The following NSG2 variants were observed in gnomAD, a reference collection of about 807,000 sequenced individuals.
The protein encoded by NSG2 is neuronal vesicle trafficking associated 2.
NSG2 carries 4 observed loss-of-function variants against 16.9 expected under a neutral mutation model. The observed-to-expected ratio is 0.24, with a 90% CI of 0.12 to 0.54. The LOEUF (loss-of-function observed/expected upper bound fraction) is 0.54, where lower values mean the gene tolerates loss of function less well. Among genes scored for constraint, NSG2 ranks in the 20% least tolerant of loss-of-function variants. The pLI is 0.95. For synonymous variants in NSG2, 98 were observed against 88.7 expected (o/e 1.11, Z -0.59); for missense variants, 179 against 221.1 (o/e 0.81, Z 1.21).
At chr5:174,064,820 G>A (rs1760113446) in intron 3 of NSG2, among the ~76,000 whole-genome samples, 1 of 152,188 alleles carries the variant, frequency 6.6e-6, no homozygotes, top group South Asian at 2.1e-4. Flanking sequence ...TTGCATCAAG[G>A]ATCCACAAAG....
intron 3 of NSG2, among the ~76,000 whole-genome samples, chr5:174,100,126 T>C (rs184472000): frequency 1.6e-3 from 245 of 152,202 alleles, no homozygotes; most frequent in African/African-American, 5.6e-3. Context: ...GCATGTGGGG[T>C]GGCCTGGCAG....
chr5:174,093,263 T>C (rs1760747927), intron 3 of NSG2, among the ~76,000 whole-genome samples: 1 of 152,134 alleles, frequency 6.6e-6, no homozygotes, highest in South Asian at 2.1e-4. Flanking sequence ...GTATGCTAAT[T>C]AACTAAAGGC....
chr5:174,071,364 T>G (rs1205371179), intron 3 of NSG2, among the ~76,000 whole-genome samples: 1 of 152,142 alleles, frequency 6.6e-6, no homozygotes, highest in East Asian at 1.9e-4. Flanking sequence ...CACGCACCTA[T>G]AGGTCCCAGC....
chr5:174,081,004 A>G (rs1208086125), intron 3 of NSG2, among the ~76,000 whole-genome samples: 1 of 151,018 alleles, frequency 6.6e-6, no homozygotes, highest in East Asian at 1.9e-4. Flanking sequence ...TTTGTTGTTG[A>G]TATTGTACAA....
rs745941379 is a variant in NSG2 at position 174,046,851 on chromosome 5, G to A, written c.96G>A (p.Glu32=). ...FQTVPLITPL[E]VNHLQLPAPE... The stretch of plus-strand genomic sequence containing the variant: ...CCGTCCCTCTCATCACTCCCTTGGA[G>A]GTTAATCACTTACAGCTGCCTGCTC... Residue 32 remains glutamate, a synonymous_variant, in exon 2 of 5, where the codon GAG becomes GAA. Coordinates refer to ENST00000303177, the MANE Select transcript of NSG2 (RefSeq NM_015980.5). 6.2e-7 allele frequency: 1 copy of A among 1,613,992 alleles called. No homozygotes were observed. Among genetic ancestry groups the A allele is most frequent in the African/African-American group, 1.3e-5 (1 of 74,884 alleles).
At chr5:174,061,162 C>T (rs1342581657) in intron 2 of NSG2, among the ~76,000 whole-genome samples, 1 of 152,114 alleles carries the variant, frequency 6.6e-6, no homozygotes, top group Non-Finnish European at 1.5e-5. Context: ...TATACATACA[C>T]ACATGCATGG....
intron 3 of NSG2, among the ~76,000 whole-genome samples, chr5:174,096,019 G>A (rs1760790217): frequency 6.6e-6 from 1 of 152,220 alleles, no homozygotes; most frequent in South Asian, 2.1e-4. Flanking sequence ...TGAGCTGTGT[G>A]ACCTTGAGAA....
intron 2 of NSG2, among the ~76,000 whole-genome samples, chr5:174,063,628 T>C (rs1047099713): frequency 1.3e-5 from 2 of 151,748 alleles, no homozygotes; most frequent in African/African-American, 4.8e-5. Flanking sequence ...ATTTTTGGGG[T>C]ACAGGAGATA....
At chr5:174,100,306 T>C (rs1760878758) in intron 3 of NSG2, among the ~76,000 whole-genome samples, 1 of 152,242 alleles carries the variant, frequency 6.6e-6, no homozygotes, top group Admixed American at 6.5e-5. Context: ...TGCTGAGGCC[T>C]GGACTGCACC....
intron 3 of NSG2, among the ~76,000 whole-genome samples, chr5:174,081,785 G>C (rs1760472718): frequency 6.6e-6 from 1 of 151,340 alleles, no homozygotes; most frequent in South Asian, 2.1e-4. Flanking sequence ...AGTTACTTGG[G>C]AGGCTGAGGC....
chr5:174,097,058 C>T (rs1314121765), intron 3 of NSG2, among the ~76,000 whole-genome samples: 4 of 152,264 alleles, frequency 2.6e-5, no homozygotes, highest in Non-Finnish European at 5.9e-5. Flanking sequence ...GTGTGCACTA[C>T]GTTCCCAATA....
intron 3 of NSG2, among the ~76,000 whole-genome samples, chr5:174,096,108 G>A (rs1230142552): frequency 1.3e-5 from 2 of 152,236 alleles, no homozygotes; most frequent in African/African-American, 2.4e-5. Context: ...TAGGGCTGTT[G>A]TAAGGTTTGC....
chr5:174,103,044 C>T (rs1760925877), intron 3 of NSG2, among the ~76,000 whole-genome samples: 1 of 151,276 alleles, frequency 6.6e-6, no homozygotes, highest in South Asian at 2.1e-4. Context: ...CTACCTCGGC[C>T]TCCCAAAGTG....
intron 3 of NSG2, among the ~76,000 whole-genome samples, chr5:174,095,378 C>T (rs1171204181): frequency 6.6e-6 from 1 of 152,212 alleles, no homozygotes; most frequent in Admixed American, 6.6e-5. Flanking sequence ...GGCAGGGCCA[C>T]ATTTCCTCTG....
chr5:174,085,799 C>A (rs1760604285), intron 3 of NSG2, among the ~76,000 whole-genome samples: 1 of 152,172 alleles, frequency 6.6e-6, no homozygotes, highest in African/African-American at 2.4e-5. Context: ...GTGTATTGAG[C>A]AAATGTCAGA....
chr5:174,048,920 ATC>A (rs1759841984), intron 2 of NSG2, among the ~76,000 whole-genome samples: 1 of 152,230 alleles, frequency 6.6e-6, no homozygotes, highest in Non-Finnish European at 1.5e-5. Flanking sequence ...TCTGATTGTC[ATC>A]ACACAGTCTT....
In NSG2 at chr5:174,090,322, C is replaced by T. The variant is rs77237917; in HGVS notation, c.214-13906C>T. Among the ~76,000 whole-genome samples, 1,424 of 152,286 alleles carry T rather than the reference C, an allele frequency of 9.4e-3. 12 individuals carry two copies. Among genetic ancestry groups the T allele is most frequent in the Non-Finnish European group, 0.014 (968 of 68,016 alleles). On this transcript the variant is annotated intron_variant, in intron 3 of 4. Transcript: ENST00000303177. ...TCTCCCAGTGGAGTCATGGAGGATG[C>T]GCTTCATTCCCGCAGCAGTTTCAGA...
intron 2 of NSG2, among the ~76,000 whole-genome samples, chr5:174,048,469 T>A (rs1759835523): frequency 6.6e-6 from 1 of 152,190 alleles, no homozygotes; most frequent in Non-Finnish European, 1.5e-5. Flanking sequence ...TGGTGAGTTA[T>A]CCAAGCTCAC....
At chr5:174,104,514 G>A (rs570100355) in intron 4 of NSG2, among the ~76,000 whole-genome samples, 176 bp downstream of exon 4, 8 of 152,334 alleles carry the variant, frequency 5.3e-5, no homozygotes, top group African/African-American at 1.9e-4. Flanking sequence ...TCAGTCTCCA[G>A]TAAGCAGTAG....
Sources: allele counts gnomAD v4.1 joint callset (sites outside exome capture counted in the v4.1 genomes callset), GRCh38; gene constraint gnomAD v4.1.1; transcripts MANE v1.5; gene names NCBI Gene and HGNC (gene_info 2026-07-23, HGNC 2026-07-21).